TNRC6C: variants seen among roughly 807,000 people sequenced by gnomAD.
TNRC6C encodes the protein trinucleotide repeat containing adaptor 6C.
In TNRC6C, 20 loss-of-function variants were observed where a neutral mutation model predicts 153.7. The observed-to-expected ratio is 0.13, with a 90% CI of 0.09 to 0.19. The LOEUF (loss-of-function observed/expected upper bound fraction) is 0.19. Ranked by LOEUF, TNRC6C falls within the 10% of genes least tolerant of loss-of-function variation. The pLI is 1.00. For missense variants in TNRC6C, 1,987 were observed against 2,172.0 expected (o/e 0.91, Z 1.69); for synonymous variants, 811 against 841.4 (o/e 0.96, Z 0.63).
At chr17:77,990,113 C>A (rs2071227471) in intron 1 of TNRC6C, among the ~76,000 whole-genome samples, 1 of 152,132 alleles carries the variant, frequency 6.6e-6, no homozygotes, top group African/African-American at 2.4e-5. Flanking sequence ...TTGACACCTC[C>A]CTCTCCCTTA....
chr17:78,075,244 A>T lies in TNRC6C; in HGVS notation c.3026A>T (p.Glu1009Val). ...GGCTGCCGCCCGCCAATCTCCAAAG[A>T]GTCTTCCGTGGACCGCCCCACCTTT... The change falls in exon 8 of 20, where the codon GAG becomes GTG. Residue 1009 changes from glutamate (E) to valine (V), a missense_variant. Glu to Val is a moderately radical substitution (Grantham distance 121). Around this residue, in one of 4 missense-constraint regions of TNRC6C, gnomAD observed 765 missense variants for 908.6 expected, o/e 0.84. Transcript: ENST00000301624. This position sits in a 1 kb window ranked among gnomAD's most constrained non-coding sequence, Gnocchi z 4.2. The T allele has an allele frequency of 6.2e-7, 1 of 1,602,946 alleles. No individual in the cohort carries two copies. Among genetic ancestry groups the T allele is most frequent in the Non-Finnish European group, 8.5e-7 (1 of 1,174,602 alleles).
intron 1 of TNRC6C, among the ~76,000 whole-genome samples, chr17:78,024,729 C>T (rs1323026211): frequency 6.6e-6 from 1 of 151,868 alleles, no homozygotes; most frequent in Non-Finnish European, 1.5e-5. Flanking sequence ...CATGTATTCC[C>T]TCTCCTCACC....
At chr17:77,999,517 G>A (rs964707376), upstream of TNRC6C, among the ~76,000 whole-genome samples, 1 of 152,158 alleles carries the variant, frequency 6.6e-6, no homozygotes, top group Non-Finnish European at 1.5e-5. Flanking sequence ...GCAGGAGAGA[G>A]GCTGTAGCTG....
rs769229709 is a variant in TNRC6C at position 78,086,936 on chromosome 17, A to ACCACCG, written c.3654_3659dup (p.Pro1221_Pro1222dup). Reference sequence around the variant, plus strand: ...CCCAGGCCCTGCTCGTGAAGCAGCCACCACCGCCACCGCCCCCGCCGCACC... The same window carrying ACCACCG: ...CCCAGGCCCTGCTCGTGAAGCAGCCACCACCGCCACCGCCACCGCCCCCGCCGCACC... On this transcript the variant is annotated inframe_insertion, in exon 13 of 20. Transcript: ENST00000301624. 1.2e-5 allele frequency: 20 copies of ACCACCG among 1,612,422 alleles called. No individual in the cohort carries two copies. In the African/African-American group the frequency reaches 2.3e-4, roughly 18 times the overall value.
chr17:78,011,244 G>A (rs1264072595), intron 1 of TNRC6C, among the ~76,000 whole-genome samples: 1 of 152,068 alleles, frequency 6.6e-6, no homozygotes, highest in Non-Finnish European at 1.5e-5. Flanking sequence ...ATAAGTGTTG[G>A]CATATATTCA....
At chr17:78,097,690 G>A in intron 16 of TNRC6C, 55 bp from the exon 19 acceptor site, 1 of 1,314,254 alleles carries the variant, frequency 7.6e-7, no homozygotes, top group South Asian at 1.4e-5. Context: ...CACAGTTAGA[G>A]TCATGAACCC....
At chr17:78,059,911 GAGTT>G (rs1040072071) in intron 3 of TNRC6C, among the ~76,000 whole-genome samples, 3 of 151,314 alleles carry the variant, frequency 2.0e-5, no homozygotes, top group Non-Finnish European at 4.4e-5. Flanking sequence ...CAGTAGGAAA[GAGTT>G]AGCCCATTAA....
chr17:78,106,158 C>T (rs1049323365), exon 20 of TNRC6C: 1 of 151,718 alleles, frequency 6.6e-6, no homozygotes, highest in Non-Finnish European at 1.5e-5. Flanking sequence ...TGGGTTGTGA[C>T]TGCTTTTGGG....
At chr17:78,015,118 ATATT>A (rs1281440694) in intron 1 of TNRC6C, among the ~76,000 whole-genome samples, 2 of 152,208 alleles carry the variant, frequency 1.3e-5, no homozygotes, top group African/African-American at 2.4e-5. Context: ...GAATCTTTGA[ATATT>A]TATTCTGAAA....
At chr17:78,009,624 G>T (rs555916169) in intron 1 of TNRC6C, among the ~76,000 whole-genome samples, 13 of 151,406 alleles carry the variant, frequency 8.6e-5, no homozygotes, top group African/African-American at 2.9e-4. Flanking sequence ...GTGCAATCTC[G>T]GCTCACTGGA....
intron 1 of TNRC6C, among the ~76,000 whole-genome samples, chr17:78,007,975 A>G (rs904037709): frequency 2.0e-5 from 3 of 152,148 alleles, no homozygotes; most frequent in Non-Finnish European, 4.4e-5. Context: ...TGTTTTAAAC[A>G]TTTTCAAGGA....
At chr17:78,029,313 G>A (rs1314234758) in intron 1 of TNRC6C, among the ~76,000 whole-genome samples, 2 of 152,168 alleles carry the variant, frequency 1.3e-5, no homozygotes, top group African/African-American at 2.4e-5. Context: ...GATGGTACAG[G>A]TTGCTACTCA....
chr17:78,064,831 G>T, exon 4 of TNRC6C: 1 of 1,613,706 alleles, frequency 6.2e-7, no homozygotes, highest in South Asian at 1.1e-5. Flanking sequence ...CAGCATGGGG[G>T]AAGCCACCCA....
chr17:78,091,743 T>C (rs2073397924), intron 14 of TNRC6C, 136 bp downstream of exon 16: 1 of 993,692 alleles, frequency 1.0e-6, no homozygotes, highest in South Asian at 3.1e-5. Context: ...CCCATTCCAT[T>C]ATAGTGCATA....
intron 3 of TNRC6C, among the ~76,000 whole-genome samples, chr17:78,057,574 G>A (rs1034153487): frequency 2.0e-4 from 31 of 152,334 alleles, no homozygotes; most frequent in African/African-American, 7.2e-4. Flanking sequence ...CTGCCCACTG[G>A]CTTGAATGCC....
chr17:78,106,863 T>C (rs952539750), exon 20 of TNRC6C: 9 of 150,094 alleles, frequency 6.0e-5, no homozygotes, highest in African/African-American at 2.2e-4. Flanking sequence ...TTTTAATGGT[T>C]TTATCAAAAC....
chr17:78,024,093 C>T (rs757350778), intron 1 of TNRC6C, among the ~76,000 whole-genome samples: 29 of 151,924 alleles, frequency 1.9e-4, no homozygotes, highest in Non-Finnish European at 4.1e-4. Flanking sequence ...AAAAAAACAC[C>T]GTCTCAAAAA....
chr17:77,985,343 C>T (rs1213165271), intron 1 of TNRC6C, among the ~76,000 whole-genome samples: 3 of 152,014 alleles, frequency 2.0e-5, no homozygotes, highest in Non-Finnish European at 4.4e-5. Flanking sequence ...GCCTGTAATC[C>T]CAGCACTTTG....
chr17:78,040,138 C>T (rs1342723623), intron 2 of TNRC6C, among the ~76,000 whole-genome samples: 1 of 152,132 alleles, frequency 6.6e-6, no homozygotes, highest in African/African-American at 2.4e-5. Flanking sequence ...TTTGTAAATT[C>T]ATGTATTGAT....
Sources: allele counts gnomAD v4.1 joint callset (sites outside exome capture counted in the v4.1 genomes callset), GRCh38; gene constraint gnomAD v4.1.1; regional missense constraint gnomAD v4.1.1; non-coding constraint Gnocchi (gnomAD v3.1); transcripts MANE v1.5; gene names NCBI Gene and HGNC (gene_info 2026-07-23, HGNC 2026-07-21).